The following GNG7 variants were observed in gnomAD, a reference collection of about 807,000 sequenced individuals.
GNG7 encodes G protein subunit gamma 7.
Under a neutral mutation model 4.0 loss-of-function variants are expected in GNG7, and 1 was observed. The ratio of observed to expected loss-of-function variants is 0.25; its 90% CI spans 0.09 to 1.18. The LOEUF (loss-of-function observed/expected upper bound fraction) is 1.18, where lower values mean the gene tolerates loss of function less well. Among genes scored for constraint, GNG7 ranks in the 50% most tolerant of loss-of-function variants. GNG7 has a pLI of 0.50. For synonymous variants in GNG7, 34 were observed against 36.9 expected, an observed-to-expected ratio of 0.92 and a Z score of 0.29; for missense variants, 86 against 91.9, an observed-to-expected ratio of 0.94 and a Z score of 0.26.
At chr19:2,662,087 C>T (rs2144880338) in intron 1 of GNG7, among the ~76,000 whole-genome samples, 1 of 152,122 alleles carries the variant, frequency 6.6e-6, no homozygotes, top group East Asian at 1.9e-4. Flanking sequence ...CGGTGAAACC[C>T]TGTCTCTACC....
intron 2 of GNG7, chr19:2,643,286 G>T (rs7245964): frequency 2.4e-6 from 1 of 416,374 alleles, no homozygotes; most frequent in Non-Finnish European, 4.7e-6. Flanking sequence ...TGCACCATGT[G>T]CACCGGAAAT....
chr19:2,697,791 C>T (rs1037951581), intron 1 of GNG7, among the ~76,000 whole-genome samples: 2 of 151,438 alleles, frequency 1.3e-5, no homozygotes, highest in Non-Finnish European at 2.9e-5. Context: ...CCCCGTCCCC[C>T]CCCCCGCCCG....
At chr19:2,521,873 C>T (rs1163287337) in intron 3 of GNG7, among the ~76,000 whole-genome samples, 1 of 152,126 alleles carries the variant, frequency 6.6e-6, no homozygotes, top group Non-Finnish European at 1.5e-5. Flanking sequence ...CTCGGCCTCT[C>T]AAAGTGCTGG....
At chr19:2,589,166 G>C (rs960815306) in intron 2 of GNG7, among the ~76,000 whole-genome samples, 1 of 151,888 alleles carries the variant, frequency 6.6e-6, no homozygotes. Context: ...AACCTCAGGT[G>C]ATCCGCCTGC....
chr19:2,542,818 C>A (rs769521293), intron 3 of GNG7, among the ~76,000 whole-genome samples: 1 of 151,070 alleles, frequency 6.6e-6, no homozygotes, highest in African/African-American at 2.4e-5. Context: ...TATTTGCCAT[C>A]TGCTGCTGCT....
chr19:2,521,913 C>T (rs949134589), intron 3 of GNG7, among the ~76,000 whole-genome samples: 1 of 152,132 alleles, frequency 6.6e-6, no homozygotes, highest in African/African-American at 2.4e-5. Flanking sequence ...GCCTCTCCTC[C>T]GTGTCCTTCA....
At chr19:2,522,305 G>C (rs1978313873) in intron 3 of GNG7, among the ~76,000 whole-genome samples, 1 of 152,146 alleles carries the variant, frequency 6.6e-6, no homozygotes, top group Admixed American at 6.5e-5. Context: ...GCAGGGGCCA[G>C]GTTCAAGAGT....
At chr19:2,590,385 A>G (rs941687393) in intron 2 of GNG7, among the ~76,000 whole-genome samples, 14 of 152,130 alleles carry the variant, frequency 9.2e-5, no homozygotes, top group Non-Finnish European at 1.8e-4. Context: ...AATTGTGTGA[A>G]TTATATCTTG....
chr19:2,599,712 G>A (rs767403333), intron 2 of GNG7, among the ~76,000 whole-genome samples: 1 of 152,148 alleles, frequency 6.6e-6, no homozygotes, highest in Non-Finnish European at 1.5e-5. Context: ...CGAGGCAGGC[G>A]GATCACCTGC....
At chr19:2,677,179 G>A (rs537478870) in intron 1 of GNG7, among the ~76,000 whole-genome samples, 33 of 152,218 alleles carry the variant, frequency 2.2e-4, no homozygotes, top group Non-Finnish European at 3.8e-4. Flanking sequence ...TCCAGGAGAC[G>A]CTGAGCTCGG....
chr19:2,621,696 A>AAAACAAACAAAC (rs78958083), intron 2 of GNG7, among the ~76,000 whole-genome samples: 8 of 151,688 alleles, frequency 5.3e-5, no homozygotes, highest in Non-Finnish European at 8.8e-5. Flanking sequence ...GACCTCATCT[A>AAAACAAACAAAC]AAACAAACAA....
At chr19:2,663,230 T>A (rs1983222478) in intron 1 of GNG7, among the ~76,000 whole-genome samples, 1 of 152,120 alleles carries the variant, frequency 6.6e-6, no homozygotes, top group South Asian at 2.1e-4. Context: ...AAACTTTAAT[T>A]CCCAATGCCA....
chr19:2,538,513 T>TCCAGCTA (rs1978826467), intron 3 of GNG7: 1 of 329,784 alleles, frequency 3.0e-6, no homozygotes, highest in African/African-American at 2.2e-5. Flanking sequence ...CACCTGTAGT[T>TCCAGCTA]CCAGCTACCC....
At chr19:2,656,006 CAG>C (rs139519605) in intron 1 of GNG7, among the ~76,000 whole-genome samples, 1,841 of 127,126 alleles carry the variant, frequency 0.014, 45 homozygotes, top group African/African-American at 0.054. Flanking sequence ...GCCCGGGTGA[CAG>C]AGTGAGACTC....
chr19:2,653,494 C>T lies in GNG7; in HGVS notation c.-134-7214G>A, dbSNP rs1195052600. Among the ~76,000 whole-genome samples, 1 of 152,192 alleles carries T rather than the reference C, an allele frequency of 6.6e-6. No individual in the cohort carries two copies. Among genetic ancestry groups the T allele is most frequent in the African/African-American group, 2.4e-5 (1 of 41,444 alleles). Reference sequence around the variant, plus strand: ...AGCTGGGGGGCCCCCCTGGTTTATACCGTCTTCCCCATCAGGAGTTTATCC... The same window carrying T: ...AGCTGGGGGGCCCCCCTGGTTTATATCGTCTTCCCCATCAGGAGTTTATCC... On this transcript the variant is annotated intron_variant, in intron 1 of 4. Transcript: ENST00000382159. This position sits in a 1 kb window ranked among gnomAD's most constrained non-coding sequence, Gnocchi z 4.8.
chr19:2,569,331 A>G (rs976914600), intron 2 of GNG7, among the ~76,000 whole-genome samples: 95 of 152,126 alleles, frequency 6.2e-4, no homozygotes, highest in African/African-American at 2.2e-3. Flanking sequence ...GCTGGAGTGC[A>G]GTGGCGCGAT....
At chr19:2,590,768 A>T (rs1226099860) in intron 2 of GNG7, among the ~76,000 whole-genome samples, 2 of 121,046 alleles carry the variant, frequency 1.7e-5, no homozygotes, top group Non-Finnish European at 3.5e-5. Flanking sequence ...TAACCAACCA[A>T]CCAACCATCC....
At chr19:2,589,593 C>T (rs1435492243) in intron 2 of GNG7, among the ~76,000 whole-genome samples, 1 of 151,902 alleles carries the variant, frequency 6.6e-6, no homozygotes. Context: ...TTCCCACCTC[C>T]GCTGTTTGAC....
chr19:2,573,579 G>T (rs1382214493), intron 2 of GNG7, among the ~76,000 whole-genome samples: 1 of 152,014 alleles, frequency 6.6e-6, no homozygotes, highest in Non-Finnish European at 1.5e-5. Context: ...CAGTTTCGGA[G>T]GCCGAGGCGG....
Sources: gnomAD v4.1 joint callset for allele counts (sites outside exome capture counted in the v4.1 genomes callset) on GRCh38, gnomAD v4.1.1 for gene constraint, Gnocchi (gnomAD v3.1) non-coding constraint, MANE v1.5 for transcripts, NCBI Gene and HGNC (gene_info 2026-07-23, HGNC 2026-07-21) for gene names.